The following BTBD9 variants were observed in gnomAD, a reference collection of about 807,000 sequenced individuals.
BTBD9 encodes the protein BTB domain containing 9.
BTBD9 carries 49 observed loss-of-function variants against 64.3 expected under a neutral mutation model. The observed-to-expected ratio is 0.76, with a 90% CI of 0.61 to 0.97. The LOEUF is 0.97. Ranked by LOEUF, BTBD9 falls within the 50% of genes least tolerant of loss-of-function variation. The probability of loss-of-function intolerance (pLI) is 0.00; values close to 1 mark genes in which losing one functional copy is unlikely to be tolerated. For missense variants in BTBD9, 598 were observed against 762.1 expected (o/e 0.78, Z 2.53); for synonymous variants, 260 against 274.7 (o/e 0.95, Z 0.53).
intron 6 of BTBD9, among the ~76,000 whole-genome samples, chr6:38,518,649 A>G (rs1269464075): frequency 1.3e-5 from 2 of 152,220 alleles, no homozygotes; most frequent in African/African-American, 4.8e-5. Flanking sequence ...CAAATTAACC[A>G]ACCCTGAGCT....
intron 6 of BTBD9, among the ~76,000 whole-genome samples, chr6:38,454,487 T>G (rs1397137908): frequency 6.8e-6 from 1 of 147,850 alleles, no homozygotes; most frequent in Non-Finnish European, 1.5e-5. Flanking sequence ...GGGCCAATAT[T>G]TAATTATCTT....
chr6:38,342,535 C>CA (rs762825969), intron 7 of BTBD9, among the ~76,000 whole-genome samples: 3,316 of 54,276 alleles, frequency 0.061, 116 homozygotes, highest in East Asian at 0.15. Flanking sequence ...GACTCTGTCT[C>CA]AAAAAAAAAA....
In BTBD9 at chr6:38,358,858, G is replaced by C. The variant is rs1008147498; in HGVS notation, c.1155-13765C>G. 2.0e-5 allele frequency among the ~76,000 whole-genome samples: 3 copies of C among 150,952 alleles called. No homozygotes were observed. In the South Asian group the frequency reaches 6.3e-4, roughly 32 times the overall value. The stretch of plus-strand genomic sequence containing the variant: ...GCAATCTCGGCTCACTGCAAGCTCC[G>C]CTTCCCGGGTTCACGCCATTCTCCT... On this transcript the variant is annotated intron_variant, in intron 6 of 10. Coordinates refer to ENST00000481247, the MANE Select transcript of BTBD9 (RefSeq NM_001099272.2).
chr6:38,314,823 T>C lies in BTBD9; in HGVS notation c.1265-26362A>G, dbSNP rs151153492. Among the ~76,000 whole-genome samples, 1,050 of 152,274 alleles carry C rather than the reference T, an allele frequency of 6.9e-3. 10 individuals carry two copies. Among genetic ancestry groups the C allele is most frequent in the African/African-American group, 0.024 (1,012 of 41,542 alleles). On this transcript the variant is annotated intron_variant, in intron 7 of 10. Coordinates refer to ENST00000481247, the MANE Select transcript of BTBD9 (RefSeq NM_001099272.2). Reference sequence around the variant, plus strand: ...CTTTAAATTTCTGCAGTATTGGTTGTAATGTCTTCGTATTCATCTCTGATT... The same window carrying C: ...CTTTAAATTTCTGCAGTATTGGTTGCAATGTCTTCGTATTCATCTCTGATT...
chr6:38,438,206 A>AGGAGGGAGGGAG (rs748681270), intron 6 of BTBD9, among the ~76,000 whole-genome samples: 1 of 98,420 alleles, frequency 1.0e-5, no homozygotes, highest in Non-Finnish European at 1.9e-5. Flanking sequence ...GAGGAAAGGA[A>AGGAGGGAGGGAG]GGAGGGAGGG....
chr6:38,273,094 C>T (rs1247750963), intron 8 of BTBD9, among the ~76,000 whole-genome samples: 1 of 152,192 alleles, frequency 6.6e-6, no homozygotes, highest in Non-Finnish European at 1.5e-5. Flanking sequence ...GTGTATAGGA[C>T]ATGGAGCACT....
chr6:38,353,159 A>C (rs1490922169), intron 6 of BTBD9, among the ~76,000 whole-genome samples: 1 of 152,212 alleles, frequency 6.6e-6, no homozygotes, highest in Admixed American at 6.5e-5. Context: ...AAATGAGTCT[A>C]AGGTGTAAAC....
At chr6:38,523,729 C>G (rs908814792) in intron 6 of BTBD9, among the ~76,000 whole-genome samples, 5 of 152,180 alleles carry the variant, frequency 3.3e-5, no homozygotes, top group Non-Finnish European at 7.4e-5. Context: ...CATTAGCAGG[C>G]ACTTTATAGA....
At chr6:38,614,032 C>T (rs1777706599) in intron 1 of BTBD9, among the ~76,000 whole-genome samples, 1 of 152,184 alleles carries the variant, frequency 6.6e-6, no homozygotes, top group Non-Finnish European at 1.5e-5. Flanking sequence ...CCTGCTTATT[C>T]ACCTTGTTCA....
intron 9 of BTBD9, among the ~76,000 whole-genome samples, chr6:38,253,884 G>A (rs1258335071): frequency 1.3e-5 from 2 of 151,426 alleles, no homozygotes; most frequent in Non-Finnish European, 2.9e-5. Context: ...GCAAGAAGCT[G>A]GATTTAAATC....
intron 6 of BTBD9, among the ~76,000 whole-genome samples, chr6:38,555,344 C>T (rs1015509250): frequency 6.6e-6 from 1 of 152,176 alleles, no homozygotes; most frequent in African/African-American, 2.4e-5. Context: ...AGGAGGTTCT[C>T]ATTATTCCAG....
In BTBD9 at chr6:38,288,256, G is replaced by C; in HGVS notation, c.1454+16C>G. Reference sequence around the variant, plus strand: ...CTTCCATTTTAAAACTTATGAATGAGGAGGAATCTTCTTACCGTATTGACC... The same window carrying C: ...CTTCCATTTTAAAACTTATGAATGACGAGGAATCTTCTTACCGTATTGACC... On this transcript the variant is annotated intron_variant, in intron 8 of 10. Coordinates refer to ENST00000481247, the MANE Select transcript of BTBD9 (RefSeq NM_001099272.2). 1 of 1,601,336 alleles carries C rather than the reference G, an allele frequency of 6.2e-7. No individual in the cohort carries two copies. Among genetic ancestry groups the C allele is most frequent in the Non-Finnish European group, 8.5e-7 (1 of 1,170,390 alleles).
intron 9 of BTBD9, among the ~76,000 whole-genome samples, chr6:38,210,109 C>G (rs993340791): frequency 1.3e-5 from 2 of 152,132 alleles, no homozygotes; most frequent in African/African-American, 4.8e-5. Flanking sequence ...CGACGTCTCA[C>G]TCAGTACCCC....
chr6:38,586,586 C>T (rs1258081511), intron 4 of BTBD9, among the ~76,000 whole-genome samples: 1 of 152,182 alleles, frequency 6.6e-6, no homozygotes, highest in African/African-American at 2.4e-5. Flanking sequence ...CCCAAAGACA[C>T]AGAATCTACA....
At chr6:38,610,607 A>G (rs1777584308) in intron 1 of BTBD9, among the ~76,000 whole-genome samples, 1 of 152,178 alleles carries the variant, frequency 6.6e-6, no homozygotes, top group Non-Finnish European at 1.5e-5. Flanking sequence ...AAGATCAGAA[A>G]TGGAGAGGTG....
chr6:38,198,740 A>G (rs1156461883), intron 9 of BTBD9, among the ~76,000 whole-genome samples: 2 of 152,258 alleles, frequency 1.3e-5, no homozygotes, highest in Non-Finnish European at 2.9e-5. Flanking sequence ...CACATGGCAC[A>G]GAATGCATTC....
chr6:38,177,774 C>T (rs1029339978), intron 10 of BTBD9, among the ~76,000 whole-genome samples: 13 of 152,254 alleles, frequency 8.5e-5, no homozygotes, highest in African/African-American at 2.4e-4. Flanking sequence ...GTTAAGGGCA[C>T]AACTGTGTTT....
intron 8 of BTBD9, among the ~76,000 whole-genome samples, chr6:38,281,016 T>C (rs1434434725): frequency 6.6e-6 from 1 of 152,244 alleles, no homozygotes; most frequent in South Asian, 2.1e-4. Context: ...AGATTATCTG[T>C]GGTCCTACTA....
intron 1 of BTBD9, among the ~76,000 whole-genome samples, chr6:38,635,547 G>A (rs916466214): frequency 3.3e-5 from 5 of 152,158 alleles, no homozygotes; most frequent in African/African-American, 1.2e-4. Context: ...GTGAGTGGTG[G>A]GATCTTTAGT....
Sources: gnomAD v4.1 joint callset for allele counts (sites outside exome capture counted in the v4.1 genomes callset) on GRCh38, gnomAD v4.1.1 for gene constraint, MANE v1.5 for transcripts, NCBI Gene and HGNC (gene_info 2026-07-23, HGNC 2026-07-21) for gene names.